Variants in FKBP8 observed in about 807,000 individuals in gnomAD.
FKBP8 encodes the protein peptidyl-prolyl cis-trans isomerase FKBP8.
In FKBP8, 5 loss-of-function variants were observed where a neutral mutation model predicts 41.7. That is an observed-to-expected ratio of 0.12 (90% CI 0.06 to 0.25). The LOEUF (loss-of-function observed/expected upper bound fraction) is 0.25, where lower values mean the gene tolerates loss of function less well. FKBP8 is among the 10% of genes least tolerant of loss of function. The pLI, the probability that FKBP8 is intolerant of heterozygous loss-of-function variation, is 1.00. For missense variants in FKBP8, 397 were observed against 563.0 expected (o/e 0.71, Z 2.98); for synonymous variants, 279 against 254.5 (o/e 1.10, Z -0.92).
At chr19:18,533,216 C>T (rs376815317) in intron 7 of FKBP8, 54 bp downstream of exon 7, 4 of 1,477,350 alleles carry the variant, frequency 2.7e-6, no homozygotes, top group South Asian at 1.3e-5. Flanking sequence ...TGGGGCAGAC[C>T]GCAGGAGGGA....
At chr19:18,539,041 C>A (rs1444347649) in intron 4 of FKBP8, among the ~76,000 whole-genome samples, 1 of 151,550 alleles carries the variant, frequency 6.6e-6, no homozygotes, top group African/African-American at 2.4e-5. Context: ...GCCTTGATCT[C>A]CTGACCTCAT....
At chr19:18,542,282 A>G (rs1297683960) in intron 1 of FKBP8, 3 of 335,318 alleles carry the variant, frequency 8.9e-6, no homozygotes, top group African/African-American at 6.3e-5. Context: ...TCCCCTCAAC[A>G]TTTTGCAGAA....
At chr19:18,536,845 G>A (rs1976590369) in intron 6 of FKBP8, among the ~76,000 whole-genome samples, 1 of 152,234 alleles carries the variant, frequency 6.6e-6, no homozygotes, top group African/African-American at 2.4e-5. Context: ...CTACGCAAAG[G>A]CCCTGAGGTG....
rs1382563520 is a variant in FKBP8, at chr19:18,532,793, C to T, written c.1026G>A (p.Thr342=). The T allele has an allele frequency of 3.1e-6, 5 of 1,613,726 alleles. No homozygotes were observed. The East Asian group carries it at 6.7e-5, about 22-fold the overall frequency. ...AALKLEPSNK[T]IHAELSKLVK... ...CCAGCTTTGAGAGCTCTGCGTGGAT[C>T]GTCTGCAGAAGGCAGGGGAAGCTGA... Residue 342 remains threonine (T), a splice_region_variant and synonymous_variant, in exon 8 of 9, where the codon ACG becomes ACA. Coordinates refer to ENST00000608443, the MANE Select transcript of FKBP8 (RefSeq NM_012181.5).
Position 18,538,086 on chromosome 19 carries a change from T to C in FKBP8, c.772+130A>G, listed in dbSNP as rs1976620309. 2.9e-6 allele frequency: 3 copies of C among 1,019,326 alleles called. No individual in the cohort carries two copies. Among genetic ancestry groups the C allele is most frequent in the Admixed American group, 4.8e-5 (2 of 42,030 alleles). 63.1% of individuals were successfully genotyped at this position (1,019,326 alleles called of 1,614,324 possible). A position where few individuals can be genotyped will look rare whatever the true frequency, so the allele number is the denominator to read the frequency against. ...GTAACAGGCCCTAGCTTAGGGGCAG[T>C]TGGGGATCTACCCATATTCTGGGCT... On this transcript the variant is annotated intron_variant, in intron 5 of 8. Coordinates refer to ENST00000608443, the MANE Select transcript of FKBP8 (RefSeq NM_012181.5). This position sits in a 1 kb window ranked among gnomAD's most constrained non-coding sequence, Gnocchi z 4.0.
In FKBP8 at chr19:18,537,512, A is replaced by G. The variant is rs559720544; in HGVS notation, c.945+89T>C. On this transcript the variant is annotated intron_variant, in intron 6 of 8. Transcript: ENST00000608443. This position sits in a 1 kb window ranked among gnomAD's most constrained non-coding sequence, Gnocchi z 4.4. ...ACCCCACAGAGCTCAGCTGGCTTAT[A>G]TACCTATGCCTTTCTCAAATGCAGG... The G allele has an allele frequency of 1.2e-4, 155 of 1,283,814 alleles. No individual in the cohort carries two copies. Among genetic ancestry groups the G allele is most frequent in the Admixed American group, 1.7e-4 (6 of 35,764 alleles). The allele number at this position is 1,283,814 out of a possible 1,614,324, so 79.5% of individuals were successfully genotyped here. A position where few individuals can be genotyped will look rare whatever the true frequency, so the allele number is the denominator to read the frequency against.
At position 18,537,321 on chromosome 19, in the gene FKBP8, A is replaced by G. The variant is rs575534841; in HGVS notation, c.945+280T>C. ...ACACCACTGCACTCCAGCCTGGGTG[A>G]CAGAGTGAGACTCTGTCTCAAGAAA... On this transcript the variant is annotated intron_variant, in intron 6 of 8. Transcript: ENST00000608443. The surrounding 1 kb of genome is among the most constrained non-coding windows in gnomAD (Gnocchi z 4.4). 6.6e-6 allele frequency among the ~76,000 whole-genome samples: 1 copy of G among 151,744 alleles called. No homozygotes were observed. Among genetic ancestry groups the G allele is most frequent in the East Asian group, 1.9e-4 (1 of 5,180 alleles).
chr19:18,541,654 A>C (rs1600540034), intron 2 of FKBP8, 25 bp downstream of exon 2: 1 of 1,577,010 alleles, frequency 6.3e-7, no homozygotes. Context: ...GGCCAAGGGC[A>C]CCCTGATCCA....
In FKBP8 at chr19:18,532,252, T is replaced by C. The variant is rs755894944; in HGVS notation, c.1159A>G (p.Ile387Val). 3 of 1,604,140 alleles carry C rather than the reference T, an allele frequency of 1.9e-6. No homozygotes were observed. The highest frequency in any genetic ancestry group is 1.7e-5 in the Admixed American group (1 of 58,142). The change falls in exon 9 of 9, where the codon ATC becomes GTC. Residue 387 changes from isoleucine to valine, a missense_variant. Around this residue, in one of 2 missense-constraint regions of FKBP8, gnomAD observed 225 missense variants for 366.8 expected, o/e 0.61. Transcript: ENST00000608443. The stretch of plus-strand genomic sequence containing the variant: ...GCCCCAAACAGCCACTTCCATGGGA[T>C]GGACTGTGGATAAAAAGGAGGGGAG... ...AKCPGKGAWS[I>V]PWKWLFGATA...
chr19:18,537,252 C>T lies in FKBP8; in HGVS notation c.945+349G>A, dbSNP rs898541196. Among the ~76,000 whole-genome samples the T allele has an allele frequency of 5.9e-5, 9 of 152,132 alleles. No individual in the cohort carries two copies. Among genetic ancestry groups the T allele is most frequent in the Admixed American group, 2.0e-4 (3 of 15,264 alleles). Reference sequence around the variant, plus strand: ...ACTTGGGAGGTTGAGGCAGGACAATCGCTTGAACCCAGGAGGAGGAGGTTG... The same window carrying T: ...ACTTGGGAGGTTGAGGCAGGACAATTGCTTGAACCCAGGAGGAGGAGGTTG... On this transcript the variant is annotated intron_variant, in intron 6 of 8. Coordinates refer to ENST00000608443, the MANE Select transcript of FKBP8 (RefSeq NM_012181.5). This position sits in a 1 kb window ranked among gnomAD's most constrained non-coding sequence, Gnocchi z 4.4.
rs1178964320 is a variant in FKBP8 at position 18,538,429 on chromosome 19, G to T, written c.559C>A (p.Pro187Thr). 1.2e-6 allele frequency: 2 copies of T among 1,611,592 alleles called. No homozygotes were observed. Among genetic ancestry groups the T allele is most frequent in the South Asian group, 2.2e-5 (2 of 90,950 alleles). The change falls in exon 5 of 9, where the codon CCA (proline) becomes ACA (threonine). Residue 187 changes from proline to threonine, a missense_variant. Physicochemically the swap from Pro to Thr is conservative, Grantham distance 38. Around this residue, in one of 2 missense-constraint regions of FKBP8, gnomAD observed 225 missense variants for 366.8 expected, o/e 0.61. Transcript: ENST00000608443. This position sits in a 1 kb window ranked among gnomAD's most constrained non-coding sequence, Gnocchi z 4.0. ...AGGGCCGCGTGCGGGGGGATGTATG[G>T]GCTCCTGCTAGTTGGGTGGGAGCAG... ...YCYGPQGSRS[P>T]YIPPHAALCL...
chr19:18,533,303 C>T lies in FKBP8; in HGVS notation c.990G>A (p.Leu330=). The change falls in exon 7 of 9, where the codon CTG becomes CTA. Residue 330 remains leucine (L), a synonymous_variant. Coordinates refer to ENST00000608443, the MANE Select transcript of FKBP8 (RefSeq NM_012181.5). ...AAGGTTCCAGCTTCAGGGCTGCCCT[C>T]AGGATGGGGATGGCCTCACTGTACT... ...QGEYSEAIPI[L]RAALKLEPSN... is the part of the protein sequence containing the mutation. 6.2e-7 allele frequency: 1 copy of T among 1,604,638 alleles called. No homozygotes were observed. Among genetic ancestry groups the T allele is most frequent in the African/African-American group, 1.3e-5 (1 of 74,984 alleles).
At position 18,533,314 on chromosome 19, in the gene FKBP8, T is replaced by G; in HGVS notation, c.979A>C (p.Ile327Leu). ...TTCAGGGCTGCCCTCAGGATGGGGA[T>G]GGCCTCACTGTACTCCCCCTGCTGG... ...LAQQGEYSEA[I>L]PILRAALKLE... Residue 327 changes from isoleucine to leucine, a missense_variant, in exon 7 of 9, where the codon ATC becomes CTC. By Grantham distance (5) the Ile-to-Leu change is conservative. Transcript: ENST00000608443. 1 of 1,606,178 alleles carries G rather than the reference T, an allele frequency of 6.2e-7. No homozygotes were observed. The highest frequency in any genetic ancestry group is 8.5e-7 in the Non-Finnish European group (1 of 1,176,516).
Position 18,538,136 on chromosome 19 carries a change from G to C in FKBP8, c.772+80C>G, listed in dbSNP as rs990497142. The C allele has an allele frequency of 5.7e-6, 8 of 1,403,946 alleles. No individual in the cohort carries two copies. In the African/African-American group the frequency reaches 1.1e-4, roughly 20 times the overall value. 87.0% of individuals were successfully genotyped at this position (1,403,946 alleles called of 1,614,324 possible). ...TATTCTAGAATATTCTGAGTCTGAGGCTCTCTGGGGCTGGAAGTTTCTGGC... is the reference window on the plus strand; with the variant it reads ...TATTCTAGAATATTCTGAGTCTGAGCCTCTCTGGGGCTGGAAGTTTCTGGC... On this transcript the variant is annotated intron_variant, in intron 5 of 8. Coordinates refer to ENST00000608443, the MANE Select transcript of FKBP8 (RefSeq NM_012181.5). The surrounding 1 kb of genome is among the most constrained non-coding windows in gnomAD (Gnocchi z 4.0).
chr19:18,534,167 C>T (rs1976516857), intron 6 of FKBP8, among the ~76,000 whole-genome samples: 1 of 147,748 alleles, frequency 6.8e-6, no homozygotes, highest in African/African-American at 2.5e-5. Flanking sequence ...ATTAGCCGGG[C>T]ATGGTGGCGG....
rs10410496 is a variant in FKBP8 at position 18,537,588 on chromosome 19, C to T, written c.945+13G>A. 5.6e-3 allele frequency: 8,814 copies of T among 1,572,672 alleles called. 381 individuals carry two copies. In the African/African-American group the frequency reaches 0.095, roughly 17 times the overall value. On this transcript the variant is annotated intron_variant, in intron 6 of 8. Transcript: ENST00000608443. This position sits in a 1 kb window ranked among gnomAD's most constrained non-coding sequence, Gnocchi z 4.4. ...GGCTGAGTGACCCGGCCTGGCACCC[C>T]GGTGTGGCCTACCTTGCCCTTGCGG...
Position 18,538,341 on chromosome 19 carries a change from T to A in FKBP8, c.647A>T (p.Gln216Leu). The change falls in exon 5 of 9, where the codon CAG (glutamine) becomes CTG (leucine). Residue 216 changes from glutamine (Q) to leucine (L), a missense_variant. Coordinates refer to ENST00000608443, the MANE Select transcript of FKBP8 (RefSeq NM_012181.5). This position sits in a 1 kb window ranked among gnomAD's most constrained non-coding sequence, Gnocchi z 4.0. The stretch of plus-strand genomic sequence containing the variant: ...CCGGTTGGCCAGGGCCACGCGCTCC[T>A]GCCCCGTGAGCATCTCCAGGTCAGG... ...DGPDLEMLTG[Q>L]ERVALANRKR... The A allele has an allele frequency of 5.6e-6, 9 of 1,613,626 alleles. No homozygotes were observed. The highest frequency in any genetic ancestry group is 7.6e-6 in the Non-Finnish European group (9 of 1,179,956).
At chr19:18,539,934 G>A (rs1163101190) in intron 2 of FKBP8, among the ~76,000 whole-genome samples, 1 of 152,240 alleles carries the variant, frequency 6.6e-6, no homozygotes, top group Non-Finnish European at 1.5e-5. Context: ...ACAGACTTCA[G>A]GGTGACAGTG....
chr19:18,533,917 G>A (rs914472515), intron 6 of FKBP8, among the ~76,000 whole-genome samples: 1 of 150,338 alleles, frequency 6.7e-6, no homozygotes, highest in Non-Finnish European at 1.5e-5. Context: ...GCTGAGGCAG[G>A]AGAATGGCGT....
Sources: allele counts gnomAD v4.1 joint callset (sites outside exome capture counted in the v4.1 genomes callset), GRCh38; gene constraint gnomAD v4.1.1; regional missense constraint gnomAD v4.1.1; non-coding constraint Gnocchi (gnomAD v3.1); transcripts MANE v1.5; gene names NCBI Gene and HGNC (gene_info 2026-07-23, HGNC 2026-07-21).